Variants in TAMM41 observed in about 807,000 individuals in gnomAD.
TAMM41 encodes the protein TAM41 mitochondrial translocator assembly and maintenance homolog.
In TAMM41, 36 loss-of-function variants were observed where a neutral mutation model predicts 44.1. The observed-to-expected ratio is 0.82, with a 90% confidence interval of 0.63 to 1.08. The LOEUF is 1.08. TAMM41 is among the 50% of genes least tolerant of loss of function. The pLI is 0.00. For synonymous variants in TAMM41, 164 were observed against 153.1 expected, an observed-to-expected ratio of 1.07 and a Z score of -0.53; for missense variants, 417 against 404.3, an observed-to-expected ratio of 1.03 and a Z score of -0.27.
At chr3:11,787,975 G>A (rs1301319050), downstream of TAMM41, among the ~76,000 whole-genome samples, 1 of 152,152 alleles carries the variant, frequency 6.6e-6, no homozygotes, top group Non-Finnish European at 1.5e-5. Context: ...ATACATCTGG[G>A]GCAGTGGAAC....
chr3:11,748,501 C>A, the TAMM41 span, among the ~76,000 whole-genome samples: 1 of 151,974 alleles, frequency 6.6e-6, no homozygotes, highest in Non-Finnish European at 1.5e-5. Flanking sequence ...ACCTCACCCT[C>A]CCAAGTAGCC....
At chr3:11,731,085 C>T in the TAMM41 span, among the ~76,000 whole-genome samples, 1 of 152,114 alleles carries the variant, frequency 6.6e-6, no homozygotes, top group Non-Finnish European at 1.5e-5. Flanking sequence ...AAGTGGGTCC[C>T]AGGTCAAAGT....
At chr3:11,827,633 G>GA (rs2078809901) in intron 4 of TAMM41, among the ~76,000 whole-genome samples, 1 of 28,422 alleles carries the variant, frequency 3.5e-5, no homozygotes, top group African/African-American at 1.7e-4. Context: ...AAACAGAAAA[G>GA]AGGAAAAAAA....
At chr3:11,843,251 T>C (rs1355224102) in intron 2 of TAMM41, among the ~76,000 whole-genome samples, 2 of 152,168 alleles carry the variant, frequency 1.3e-5, no homozygotes, top group Non-Finnish European at 1.5e-5. Context: ...ACCAGACCAA[T>C]GGTTCTAGAC....
the TAMM41 span, among the ~76,000 whole-genome samples, chr3:11,748,561 T>C: frequency 6.6e-6 from 1 of 152,030 alleles, no homozygotes; most frequent in African/African-American, 2.4e-5. Flanking sequence ...TTATTTTTAG[T>C]AGAGACGGGG....
At chr3:11,802,462 T>TA (rs2077782142) in intron 7 of TAMM41, among the ~76,000 whole-genome samples, 1 of 152,082 alleles carries the variant, frequency 6.6e-6, no homozygotes, top group Non-Finnish European at 1.5e-5. Flanking sequence ...AGGAAACTGA[T>TA]AAATTCATGG....
the TAMM41 span, among the ~76,000 whole-genome samples, chr3:11,769,355 A>ATTTTTTT: frequency 7.5e-6 from 1 of 132,904 alleles, no homozygotes; most frequent in African/African-American, 2.9e-5. Flanking sequence ...CTCCCAAGAG[A>ATTTTTTT]TTTTTTTTTT....
the TAMM41 span, among the ~76,000 whole-genome samples, chr3:11,748,249 A>ATAT: frequency 6.6e-6 from 1 of 150,834 alleles, no homozygotes; most frequent in South Asian, 2.1e-4. Flanking sequence ...TCTCATATTA[A>ATAT]TATTAATATT....
At chr3:11,725,811 G>C in the TAMM41 span, among the ~76,000 whole-genome samples, 1,725 of 152,254 alleles carry the variant, frequency 0.011, 32 homozygotes, top group African/African-American at 0.04. Flanking sequence ...ACAGCCATGA[G>C]GGTCAGTGAA....
At chr3:11,776,335 T>G in the TAMM41 span, among the ~76,000 whole-genome samples, 1 of 151,842 alleles carries the variant, frequency 6.6e-6, no homozygotes, top group East Asian at 1.9e-4. Context: ...ATTTTTTTTT[T>G]AGAGACAGGG....
chr3:11,722,795 C>T, the TAMM41 span, among the ~76,000 whole-genome samples: 1 of 152,028 alleles, frequency 6.6e-6, no homozygotes, highest in African/African-American at 2.4e-5. Flanking sequence ...ATGGTGAAAC[C>T]CCGTCTCTAC....
chr3:11,785,011 G>A, the TAMM41 span, among the ~76,000 whole-genome samples: 31 of 152,030 alleles, frequency 2.0e-4, no homozygotes, highest in African/African-American at 6.8e-4. Context: ...GCTGCATCAC[G>A]TTGGGTGGAA....
chr3:11,725,486 T>C, the TAMM41 span, among the ~76,000 whole-genome samples: 1 of 150,412 alleles, frequency 6.6e-6, no homozygotes. Flanking sequence ...TCACCCAGGC[T>C]GGAGTGAAGT....
the TAMM41 span, among the ~76,000 whole-genome samples, chr3:11,728,964 C>T: frequency 1.4e-5 from 2 of 147,772 alleles, no homozygotes; most frequent in Non-Finnish European, 3.0e-5. Flanking sequence ...GCCGAGATCG[C>T]GCCATTGCAC....
intron 1 of TAMM41, chr3:11,844,961 C>A (rs2079611907): frequency 4.4e-6 from 2 of 456,650 alleles, no homozygotes; most frequent in South Asian, 3.1e-5. Flanking sequence ...AAATCTGAGT[C>A]TTGAAGGACA....
the TAMM41 span, among the ~76,000 whole-genome samples, chr3:11,751,003 G>A: frequency 2.0e-5 from 3 of 151,830 alleles, no homozygotes; most frequent in Non-Finnish European, 2.9e-5. Flanking sequence ...GGAGCACAAT[G>A]TCAACCACAG....
chr3:11,829,619 T>G, intron 4 of TAMM41, 95 bp downstream of exon 4: 3 of 1,415,526 alleles, frequency 2.1e-6, no homozygotes, highest in Non-Finnish European at 2.9e-6. Context: ...CAACTAAGAC[T>G]GTAGCAGCTC....
chr3:11,773,409 T>TG, the TAMM41 span, among the ~76,000 whole-genome samples: 1 of 151,972 alleles, frequency 6.6e-6, no homozygotes, highest in South Asian at 2.1e-4. Flanking sequence ...AAAATAGAGG[T>TG]GGGGTCTCGC....
At chr3:11,841,319 GCAATC>G (rs1273011570) in intron 2 of TAMM41, among the ~76,000 whole-genome samples, 1 of 152,052 alleles carries the variant, frequency 6.6e-6, no homozygotes, top group Non-Finnish European at 1.5e-5. Context: ...CTGGGCTCAA[GCAATC>G]CATCCACCTT....
Sources: allele counts gnomAD v4.1 joint callset (sites outside exome capture counted in the v4.1 genomes callset), GRCh38; gene constraint gnomAD v4.1.1; transcripts MANE v1.5; gene names NCBI Gene and HGNC (gene_info 2026-07-23, HGNC 2026-07-21).